The following MICU3 variants were observed in gnomAD, a reference collection of about 807,000 sequenced individuals.
MICU3 encodes the protein calcium uptake protein 3, mitochondrial.
A neutral mutation model predicts 66.5 loss-of-function variants in MICU3; 62 were observed. The observed-to-expected ratio is 0.93, with a 90% confidence interval of 0.76 to 1.15. The LOEUF is 1.15. MICU3 is among the 50% of genes most tolerant of loss of function. The pLI, the probability that MICU3 is intolerant of heterozygous loss-of-function variation, is 0.00. For missense variants in MICU3, 779 were observed against 664.4 expected (o/e 1.17, Z -1.90); for synonymous variants, 308 against 240.7 (o/e 1.28, Z -2.59).
intron 1 of MICU3, among the ~76,000 whole-genome samples, chr8:17,030,849 CAGGT>C (rs1231531024): frequency 8.9e-4 from 136 of 152,334 alleles, no homozygotes; most frequent in African/African-American, 3.2e-3. Flanking sequence ...CTGCAGAACT[CAGGT>C]AGTGCCTCTG....
intron 9 of MICU3, chr8:17,102,630 T>C (rs776145093): frequency 2.6e-5 from 4 of 151,976 alleles, no homozygotes; most frequent in Admixed American, 6.6e-5. Context: ...ACTCCAATTA[T>C]ACTAGTCTCC....
chr8:17,107,351 C>G (rs1406887591), intron 11 of MICU3, among the ~76,000 whole-genome samples: 1 of 152,042 alleles, frequency 6.6e-6, no homozygotes, highest in Non-Finnish European at 1.5e-5. Context: ...ACAGAGGTAA[C>G]AGCAAATGCC....
chr8:17,067,405 A>G (rs1303246824), intron 2 of MICU3, among the ~76,000 whole-genome samples: 1 of 151,706 alleles, frequency 6.6e-6, no homozygotes, highest in Non-Finnish European at 1.5e-5. Context: ...TGTCATCATC[A>G]TCGTCATCAG....
intron 9 of MICU3, among the ~76,000 whole-genome samples, chr8:17,100,879 T>G (rs943149688): frequency 6.6e-6 from 1 of 151,810 alleles, no homozygotes; most frequent in Non-Finnish European, 1.5e-5. Context: ...TCTGTCAGTG[T>G]CAAAATTATA....
At chr8:17,049,501 G>T in intron 1 of MICU3, 1 of 489,834 alleles carries the variant, frequency 2.0e-6, no homozygotes, top group Non-Finnish European at 4.1e-6. Flanking sequence ...TTTACAGTTT[G>T]TGGGCTTAGT....
chr8:17,118,912 A>G (rs564886314), intron 14 of MICU3, 137 bp downstream of exon 14: 2 of 517,740 alleles, frequency 3.9e-6, no homozygotes, highest in East Asian at 3.3e-5. Context: ...TCATTAGAGT[A>G]TCTTGATTGA....
intron 1 of MICU3, among the ~76,000 whole-genome samples, chr8:17,040,372 T>C (rs1813862748): frequency 6.6e-6 from 1 of 152,212 alleles, no homozygotes; most frequent in African/African-American, 2.4e-5. Context: ...ATTTTTCTAA[T>C]TATTATAGTT....
the MICU3 span, among the ~76,000 whole-genome samples, chr8:17,137,340 ATTT>A: frequency 6.6e-6 from 1 of 151,538 alleles, no homozygotes; most frequent in South Asian, 2.1e-4. Flanking sequence ...CATCATACTA[ATTT>A]TTTTTCTCCC....
chr8:17,134,134 G>A, the MICU3 span: 3 of 152,026 alleles, frequency 2.0e-5, no homozygotes, highest in African/African-American at 7.2e-5. Context: ...ATTGTATTAT[G>A]GTTCTCCAGA....
intron 4 of MICU3, among the ~76,000 whole-genome samples, chr8:17,080,500 C>T (rs1030701881): frequency 6.6e-6 from 1 of 152,108 alleles, no homozygotes; most frequent in African/African-American, 2.4e-5. Context: ...ATGGAGACAG[C>T]ATGCCCATTT....
chr8:17,138,075 G>A, the MICU3 span, among the ~76,000 whole-genome samples: 1 of 151,882 alleles, frequency 6.6e-6, no homozygotes, highest in Non-Finnish European at 1.5e-5. Flanking sequence ...TATAATGGAG[G>A]AAGGAATATT....
chr8:17,134,445 T>C, the MICU3 span, among the ~76,000 whole-genome samples: 4 of 150,870 alleles, frequency 2.7e-5, no homozygotes, highest in Admixed American at 2.0e-4. Context: ...GTTTGTTTGT[T>C]TGTTTGTTTG....
intron 14 of MICU3, among the ~76,000 whole-genome samples, 186 bp from the exon 15 acceptor site, chr8:17,120,102 G>A (rs2705191): frequency 0.47 from 72,055 of 151,930 alleles, 17,801 homozygotes; most frequent in African/African-American, 0.62. Flanking sequence ...CTAAGCCTAA[G>A]ATTGAGGATT....
At chr8:17,090,521 T>C (rs757026183) in intron 7 of MICU3, 25 bp from the exon 8 acceptor site, 1 of 1,604,972 alleles carries the variant, frequency 6.2e-7, no homozygotes, top group South Asian at 1.1e-5. Context: ...TGACACTTCA[T>C]TTGGCCCTTT....
chr8:17,101,031 C>G (rs150046615), intron 9 of MICU3, among the ~76,000 whole-genome samples: 393 of 151,790 alleles, frequency 2.6e-3, no homozygotes, highest in African/African-American at 9.0e-3. Flanking sequence ...TCTAGCCCTT[C>G]GATACCTCGT....
At chr8:17,054,560 G>T (rs958905130) in intron 1 of MICU3, among the ~76,000 whole-genome samples, 1 of 152,042 alleles carries the variant, frequency 6.6e-6, no homozygotes, top group Non-Finnish European at 1.5e-5. Flanking sequence ...AGGTAGTTCA[G>T]TCAGTTTTTG....
At chr8:17,123,943 G>C (rs1476310776), downstream of MICU3, among the ~76,000 whole-genome samples, 2 of 111,496 alleles carry the variant, frequency 1.8e-5, no homozygotes, top group East Asian at 4.7e-4. Flanking sequence ...CAACTCTAAA[G>C]TCTTTAAAAA....
chr8:17,093,020 A>T (rs1036805828), intron 8 of MICU3, among the ~76,000 whole-genome samples: 1 of 152,080 alleles, frequency 6.6e-6, no homozygotes, highest in Non-Finnish European at 1.5e-5. Flanking sequence ...GAACTGTTCC[A>T]AAATTTAATC....
chr8:17,038,246 C>T (rs1420692852), intron 1 of MICU3, among the ~76,000 whole-genome samples: 3 of 152,150 alleles, frequency 2.0e-5, no homozygotes, highest in Non-Finnish European at 4.4e-5. Context: ...GTAATAATCC[C>T]CACGTGTCAT....
Sources: allele counts gnomAD v4.1 joint callset (sites outside exome capture counted in the v4.1 genomes callset), GRCh38; gene constraint gnomAD v4.1.1; transcripts MANE v1.5; gene names NCBI Gene and HGNC (gene_info 2026-07-23, HGNC 2026-07-21).